ERBIN: variants seen among roughly 807,000 people sequenced by gnomAD.
ERBIN encodes the protein densin-180-like protein.
In ERBIN, 60 loss-of-function variants were observed where a neutral mutation model predicts 158.4. The observed-to-expected ratio is 0.38, with a 90% CI of 0.31 to 0.47. The LOEUF (loss-of-function observed/expected upper bound fraction) is 0.47, where lower values mean the gene tolerates loss of function less well. ERBIN is among the 20% of genes least tolerant of loss of function. The pLI is 0.99. For missense variants in ERBIN, 1,610 were observed against 1,648.0 expected (o/e 0.98, Z 0.40); for synonymous variants, 594 against 557.2 (o/e 1.07, Z -0.93).
chr5:65,940,708 C>G (rs1245155141), intron 1 of ERBIN, among the ~76,000 whole-genome samples: 2 of 148,242 alleles, frequency 1.3e-5, no homozygotes, highest in Non-Finnish European at 3.0e-5. Context: ...GGTCAGCCCC[C>G]CGCCCGGCCA....
intron 1 of ERBIN, among the ~76,000 whole-genome samples, chr5:65,940,789 C>A (rs1333825349): frequency 6.6e-6 from 1 of 152,000 alleles, no homozygotes; most frequent in Non-Finnish European, 1.5e-5. Flanking sequence ...AGCCCCTCTG[C>A]CCAGCCACCA....
At chr5:65,946,827 T>C (rs949950882) in intron 1 of ERBIN, among the ~76,000 whole-genome samples, 2 of 151,776 alleles carry the variant, frequency 1.3e-5, no homozygotes, top group African/African-American at 4.8e-5. Flanking sequence ...ACTATTCTTA[T>C]AGATAAGGAG....
At chr5:65,953,918 C>A (rs1408104377) in intron 1 of ERBIN, among the ~76,000 whole-genome samples, 2 of 151,990 alleles carry the variant, frequency 1.3e-5, no homozygotes, top group Non-Finnish European at 2.9e-5. Flanking sequence ...AATTAGACCC[C>A]CCTCCCCCAA....
At chr5:66,027,693 A>G (rs1317363066) in intron 13 of ERBIN, among the ~76,000 whole-genome samples, 1 of 152,030 alleles carries the variant, frequency 6.6e-6, no homozygotes, top group Non-Finnish European at 1.5e-5. Context: ...TGCAAATACT[A>G]TACAATTTTA....
chr5:65,958,967 T>C (rs1747612778), intron 1 of ERBIN, among the ~76,000 whole-genome samples: 1 of 152,210 alleles, frequency 6.6e-6, no homozygotes, highest in East Asian at 1.9e-4. Flanking sequence ...CTATCATAAG[T>C]GGAAAATATT....
Position 66,030,940 on chromosome 5 carries a change from A to C in ERBIN, c.1206+2597A>C, listed in dbSNP as rs571765640. On this transcript the variant is annotated intron_variant, in intron 14 of 25. Coordinates refer to ENST00000284037, the MANE Select transcript of ERBIN (RefSeq NM_001253697.2). ...CAGATGGTTCATTTTAATGAAATTAACCAAGTATCTGCTACGGTTTCTTCA... is the reference window on the plus strand; with the variant it reads ...CAGATGGTTCATTTTAATGAAATTACCCAAGTATCTGCTACGGTTTCTTCA... Among the ~76,000 whole-genome samples the C allele has an allele frequency of 6.6e-5, 10 of 152,232 alleles. No individual in the cohort carries two copies. In the East Asian group the frequency reaches 1.9e-3, roughly 29 times the overall value.
intron 1 of ERBIN, among the ~76,000 whole-genome samples, chr5:65,959,676 C>T (rs115790869): frequency 2.6e-5 from 4 of 152,252 alleles, no homozygotes; most frequent in Admixed American, 6.5e-5. Context: ...GTTCTCAAAT[C>T]GTATGACACT....
intron 21 of ERBIN, among the ~76,000 whole-genome samples, chr5:66,071,369 AAAAGAAAG>A (rs376516733): frequency 2.6e-5 from 4 of 151,894 alleles, no homozygotes; most frequent in Admixed American, 6.6e-5. Context: ...ACTCTCTCCA[AAAAGAAAG>A]AAAGAAAGAA....
intron 21 of ERBIN, among the ~76,000 whole-genome samples, chr5:66,069,815 C>G (rs1761363922): frequency 6.6e-6 from 1 of 152,112 alleles, no homozygotes; most frequent in African/African-American, 2.4e-5. Context: ...TTGCTTACTT[C>G]TGGGTCCTTT....
intron 4 of ERBIN, among the ~76,000 whole-genome samples, chr5:65,998,275 TATTAA>T (rs1407189955): frequency 1.3e-5 from 2 of 149,672 alleles, no homozygotes; most frequent in Admixed American, 6.7e-5. Flanking sequence ...TATCTCCACT[TATTAA>T]ATTCTGTTTA....
chr5:65,958,820 T>G (rs1413827007), intron 1 of ERBIN, among the ~76,000 whole-genome samples: 1 of 152,206 alleles, frequency 6.6e-6, no homozygotes, highest in Non-Finnish European at 1.5e-5. Flanking sequence ...CAACACTTTC[T>G]TATAAAATAG....
chr5:66,054,480 G>A lies in ERBIN; in HGVS notation c.3162G>A (p.Gly1054=). The change falls in exon 21 of 26, where the codon GGG becomes GGA. Residue 1054 remains glycine (G), a synonymous_variant. Coordinates refer to ENST00000284037, the MANE Select transcript of ERBIN (RefSeq NM_001253697.2). ...LHQRLGPARH[G]EMWAISPNDR... is the part of the protein sequence containing the mutation. The stretch of plus-strand genomic sequence containing the variant: ...AGAGACTTGGCCCAGCAAGACATGG[G>A]GAAATGTGGGCCATCTCACCAAACG... The A allele has an allele frequency of 6.2e-7, 1 of 1,614,126 alleles. No individual in the cohort carries two copies.
rs35797173 is a variant in ERBIN at position 65,995,373 on chromosome 5, ATTT to A, written c.307+523_307+525del. Among the ~76,000 whole-genome samples, 1,103 of 144,594 alleles carry A rather than the reference ATTT, an allele frequency of 7.6e-3. 5 individuals are homozygous for A. Among genetic ancestry groups the A allele is most frequent in the Middle Eastern group, 0.025 (7 of 276 alleles). The allele number at this position is 144,594 out of a possible 152,430, so 94.9% of individuals were successfully genotyped here. ...CCATATGTAAGTGAGCTTATGTGGT[ATTT>A]TTTTTTTTTTTTTCTGTTCCTGGCT... On this transcript the variant is annotated intron_variant, in intron 4 of 25. Transcript: ENST00000284037.
intron 2 of ERBIN, 105 bp from the exon 3 acceptor site, chr5:65,992,605 A>G (rs1580279133): frequency 1.3e-6 from 1 of 761,890 alleles, no homozygotes. Context: ...GTGGCAGGAG[A>G]AGTGTTTATC....
intron 18 of ERBIN, among the ~76,000 whole-genome samples, chr5:66,047,461 A>G (rs1360599776): frequency 2.0e-5 from 3 of 152,072 alleles, no homozygotes; most frequent in Non-Finnish European, 2.9e-5. Context: ...GTGTGGATAT[A>G]TATTTTCATG....
At chr5:66,061,916 G>A (rs1441815479) in intron 21 of ERBIN, among the ~76,000 whole-genome samples, 3 of 152,240 alleles carry the variant, frequency 2.0e-5, no homozygotes, top group Admixed American at 1.3e-4. Context: ...GAGATCAGCT[G>A]TTAGTCTGAT....
At chr5:66,061,262 G>GTTC (rs1189369967) in intron 21 of ERBIN, among the ~76,000 whole-genome samples, 2,558 of 151,370 alleles carry the variant, frequency 0.017, 73 homozygotes, top group African/African-American at 0.059. Context: ...AGGATAGTTA[G>GTTC]TTCTTGTTGA....
Position 66,012,100 on chromosome 5 carries a change from T to C in ERBIN, c.359T>C (p.Val120Ala). The change falls in exon 5 of 26, where the codon GTG becomes GCG. Residue 120 changes from valine (V) to alanine (A), a missense_variant. By Grantham distance (64) the Val-to-Ala change is moderately conservative. This residue lies in a region of ERBIN where 596 missense variants were observed against 711.9 expected (regional missense o/e 0.84). Coordinates refer to ENST00000284037, the MANE Select transcript of ERBIN (RefSeq NM_001253697.2). ...NIKNCKVLTI[V>A]EASVNPISKL... ...AAAAATTGTAAAGTTTTGACAATTG[T>C]GGAGGCCAGTGTAAACCCTATTTCC... 1 of 1,606,990 alleles carries C rather than the reference T, an allele frequency of 6.2e-7. No homozygotes were observed. The highest frequency in any genetic ancestry group is 8.5e-7 in the Non-Finnish European group (1 of 1,176,066).
chr5:65,996,854 ATTTAT>A, intron 4 of ERBIN, among the ~76,000 whole-genome samples: 1 of 152,172 alleles, frequency 6.6e-6, no homozygotes, highest in South Asian at 2.1e-4. Flanking sequence ...CTTTAGTTAA[ATTTAT>A]TTCTAAGTAT....
Sources: allele counts gnomAD v4.1 joint callset (sites outside exome capture counted in the v4.1 genomes callset), GRCh38; gene constraint gnomAD v4.1.1; regional missense constraint gnomAD v4.1.1; transcripts MANE v1.5; gene names NCBI Gene and HGNC (gene_info 2026-07-23, HGNC 2026-07-21).